CYLC2: variants seen among roughly 807,000 people sequenced by gnomAD.
CYLC2 encodes cylicin-2.
A neutral mutation model predicts 26.1 loss-of-function variants in CYLC2; 30 were observed. That is an observed-to-expected ratio of 1.15 (90% CI 0.86 to 1.56). The LOEUF (loss-of-function observed/expected upper bound fraction) is 1.56. Ranked by LOEUF, CYLC2 falls within the 40% of genes most tolerant of loss-of-function variation. The pLI is 0.00. For synonymous variants in CYLC2, 158 were observed against 132.8 expected, an observed-to-expected ratio of 1.19 and a Z score of -1.31; for missense variants, 498 against 394.4, an observed-to-expected ratio of 1.26 and a Z score of -2.23.
chr9:103,006,910 A>G (rs906136200), intron 5 of CYLC2, among the ~76,000 whole-genome samples: 1 of 152,144 alleles, frequency 6.6e-6, no homozygotes, highest in African/African-American at 2.4e-5. Context: ...TAAGAGAATG[A>G]ACATTGTGCT....
intron 5 of CYLC2, among the ~76,000 whole-genome samples, chr9:103,011,380 T>C (rs1159371652): frequency 6.6e-6 from 1 of 152,120 alleles, no homozygotes; most frequent in Non-Finnish European, 1.5e-5. Flanking sequence ...AAAAATGTTT[T>C]ATATCAAACA....
Position 103,013,087 on chromosome 9 carries a change from T to C in CYLC2, c.*816+990T>C, listed in dbSNP as rs146238599. Among the ~76,000 whole-genome samples the C allele has an allele frequency of 4.9e-5, 7 of 142,394 alleles. No homozygotes were observed. The East Asian group carries it at 1.4e-3, about 28-fold the overall frequency. 93.4% of individuals were successfully genotyped at this position (142,394 alleles called of 152,430 possible). On this transcript the variant is annotated intron_variant, in intron 6 of 7. Coordinates refer to ENST00000374798, the MANE Select transcript of CYLC2 (RefSeq NM_001340.5). ...ATTGTATATGTATAAATATGTATCA[T>C]AAATAATATAAAAATATATATCATA...
chr9:103,003,313 TAATA>T (rs1191635048), intron 3 of CYLC2, 50 bp downstream of exon 3: 11 of 1,467,730 alleles, frequency 7.5e-6, no homozygotes, highest in Non-Finnish European at 1.0e-5. Context: ...AATAACTTAG[TAATA>T]ATTATAACCA....
intron 1 of CYLC2, among the ~76,000 whole-genome samples, chr9:102,996,386 T>C (rs778991632): frequency 6.6e-6 from 1 of 151,902 alleles, no homozygotes; most frequent in African/African-American, 2.4e-5. Context: ...ATCATGAGCA[T>C]CAAATAGCTT....
intron 6 of CYLC2, among the ~76,000 whole-genome samples, chr9:103,013,085 CATAA>C (rs1283721179): frequency 6.5e-5 from 9 of 139,094 alleles, no homozygotes; most frequent in Non-Finnish European, 7.7e-5. Context: ...AAATATGTAT[CATAA>C]ATAATATAAA....
At chr9:103,008,905 G>A (rs1042694468) in intron 5 of CYLC2, among the ~76,000 whole-genome samples, 4 of 152,016 alleles carry the variant, frequency 2.6e-5, no homozygotes, top group African/African-American at 4.8e-5. Flanking sequence ...CTTGGTCAAA[G>A]CTTTCTAGTG....
chr9:103,007,012 A>T lies in CYLC2; in HGVS notation c.*700+634A>T, dbSNP rs143133482. Reference sequence around the variant, plus strand: ...CAATGTATACATGCTTCATAACATCATATTGTACACGATAAATATGCTTTT... The same window carrying T: ...CAATGTATACATGCTTCATAACATCTTATTGTACACGATAAATATGCTTTT... On this transcript the variant is annotated intron_variant, in intron 5 of 7. Transcript: ENST00000374798. Among the ~76,000 whole-genome samples, 23 of 152,240 alleles carry T rather than the reference A, an allele frequency of 1.5e-4. 1 individual carries two copies. The East Asian group carries it at 4.4e-3, about 29-fold the overall frequency.
chr9:102,996,683 C>T (rs528630583), intron 1 of CYLC2, among the ~76,000 whole-genome samples: 1 of 152,110 alleles, frequency 6.6e-6, no homozygotes, highest in Admixed American at 6.6e-5. Context: ...TCACTGAATT[C>T]TTCTAAGGAT....
At chr9:103,013,217 T>C (rs1178458567) in intron 6 of CYLC2, among the ~76,000 whole-genome samples, 1 of 124,306 alleles carries the variant, frequency 8.0e-6, no homozygotes, top group Non-Finnish European at 1.6e-5. Flanking sequence ...TATATATTAA[T>C]ATGTATATTA....
intron 1 of CYLC2, among the ~76,000 whole-genome samples, chr9:102,997,641 A>G (rs1396577632): frequency 6.6e-6 from 1 of 151,948 alleles, no homozygotes; most frequent in Non-Finnish European, 1.5e-5. Context: ...TACTAGCAAG[A>G]TATCTGGCAA....
chr9:103,001,516 G>A (rs1360056018), intron 1 of CYLC2, 62 bp from the exon 2 acceptor site: 3 of 990,360 alleles, frequency 3.0e-6, no homozygotes, highest in African/African-American at 1.6e-5. Flanking sequence ...GTAAAATAAT[G>A]ACAGTTTAAA....
At position 103,009,734 on chromosome 9, in the gene CYLC2, C is replaced by T. The variant is rs1171754913; in HGVS notation, c.*701-2248C>T. Among the ~76,000 whole-genome samples the T allele has an allele frequency of 2.0e-5, 3 of 152,132 alleles. No homozygotes were observed. In the South Asian group the frequency reaches 6.2e-4, roughly 31 times the overall value. ...AATTCCCCACTACCTTTTCCAGACT[C>T]TGATAACCATCCTTTTACCCTCTAC... On this transcript the variant is annotated intron_variant, in intron 5 of 7. Coordinates refer to ENST00000374798, the MANE Select transcript of CYLC2 (RefSeq NM_001340.5).
intron 6 of CYLC2, among the ~76,000 whole-genome samples, chr9:103,014,455 G>GTA (rs1829466001): frequency 8.2e-6 from 1 of 122,018 alleles, no homozygotes; most frequent in African/African-American, 2.9e-5. Flanking sequence ...TATACATAAT[G>GTA]TATATTACGT....
intron 1 of CYLC2, among the ~76,000 whole-genome samples, chr9:102,999,856 A>G (rs556846381): frequency 6.6e-6 from 1 of 151,920 alleles, no homozygotes; most frequent in Admixed American, 6.6e-5. Flanking sequence ...GTTTGTCAGT[A>G]TGATTTTTTA....
chr9:103,003,872 T>C (rs551006110), intron 3 of CYLC2, among the ~76,000 whole-genome samples: 4 of 152,042 alleles, frequency 2.6e-5, no homozygotes, highest in Non-Finnish European at 5.9e-5. Flanking sequence ...ACTCAGAGTA[T>C]TGGAAAATAA....
At chr9:103,013,957 T>G (rs1280739956) in intron 6 of CYLC2, among the ~76,000 whole-genome samples, 5 of 95,882 alleles carry the variant, frequency 5.2e-5, no homozygotes, top group Admixed American at 1.3e-4. Flanking sequence ...TACTATATAT[T>G]ATATATTATT....
Position 103,014,606 on chromosome 9 carries a change from T to C in CYLC2, c.*817-2282T>C, listed in dbSNP as rs185270582. On this transcript the variant is annotated intron_variant, in intron 6 of 7. Transcript: ENST00000374798. Reference sequence around the variant, plus strand: ...TACATCATATGTATATTATGCAGTATACATCATATGTATATTATGCAGTAT... The same window carrying C: ...TACATCATATGTATATTATGCAGTACACATCATATGTATATTATGCAGTAT... Among the ~76,000 whole-genome samples the C allele has an allele frequency of 7.0e-3, 1,000 of 142,844 alleles. 53 individuals are homozygous for C. Among genetic ancestry groups the C allele is most frequent in the African/African-American group, 0.025 (962 of 38,570 alleles). 93.7% of individuals were successfully genotyped at this position (142,844 alleles called of 152,430 possible).
At chr9:103,010,464 A>T (rs2066262) in intron 5 of CYLC2, among the ~76,000 whole-genome samples, 152,161 of 152,164 alleles carry the variant, frequency 1, 76,079 homozygotes, top group Middle Eastern at 1. Flanking sequence ...TAATTGAAGC[A>T]CAGAAAGGTC....
chr9:103,011,410 G>T (rs1040887695), intron 5 of CYLC2, among the ~76,000 whole-genome samples: 1 of 151,996 alleles, frequency 6.6e-6, no homozygotes, highest in African/African-American at 2.4e-5. Flanking sequence ...AGCTTTGATG[G>T]CTAAGTAACT....
Sources: allele counts gnomAD v4.1 joint callset (sites outside exome capture counted in the v4.1 genomes callset), GRCh38; gene constraint gnomAD v4.1.1; transcripts MANE v1.5; gene names NCBI Gene and HGNC (gene_info 2026-07-23, HGNC 2026-07-21).